Variants in GRIK4 observed in about 807,000 individuals in gnomAD.
GRIK4 encodes the protein glutamate receptor ionotropic, kainate 4.
Under a neutral mutation model 104.9 loss-of-function variants are expected in GRIK4, and 40 were observed. The observed-to-expected ratio is 0.38, with a 90% CI of 0.30 to 0.50. The LOEUF (loss-of-function observed/expected upper bound fraction) is 0.50. Ranked by LOEUF, GRIK4 falls within the 20% of genes least tolerant of loss-of-function variation. The pLI is 0.93. For missense variants in GRIK4, 1,047 were observed against 1,308.1 expected, an observed-to-expected ratio of 0.80 and a Z score of 3.08; for synonymous variants, 485 against 524.9, an observed-to-expected ratio of 0.92 and a Z score of 1.04.
chr11:120,808,161 G>T (rs1034937689), intron 4 of GRIK4, among the ~76,000 whole-genome samples: 1 of 152,160 alleles, frequency 6.6e-6, no homozygotes, highest in Non-Finnish European at 1.5e-5. Context: ...TGTACATAGG[G>T]GCAGAGGAGA....
At chr11:120,842,035 C>T (rs967535686) in intron 8 of GRIK4, among the ~76,000 whole-genome samples, 7 of 152,130 alleles carry the variant, frequency 4.6e-5, no homozygotes, top group African/African-American at 1.7e-4. Context: ...TCTCTGTCCT[C>T]ATATGTAAAA....
At chr11:120,602,984 T>C (rs1438452101) in intron 1 of GRIK4, among the ~76,000 whole-genome samples, 1 of 152,230 alleles carries the variant, frequency 6.6e-6, no homozygotes, top group Non-Finnish European at 1.5e-5. Flanking sequence ...ATTACAGGCA[T>C]GAGCCACCAT....
intron 8 of GRIK4, among the ~76,000 whole-genome samples, chr11:120,843,260 C>T (rs774281539): frequency 6.6e-6 from 1 of 152,276 alleles, no homozygotes; most frequent in Non-Finnish European, 1.5e-5. Flanking sequence ...GAGCTCCCTG[C>T]TCTCGGCACC....
chr11:120,588,706 C>T (rs557752220), intron 1 of GRIK4, among the ~76,000 whole-genome samples: 4 of 152,226 alleles, frequency 2.6e-5, no homozygotes, highest in South Asian at 4.2e-4. Context: ...CATTTTGGGC[C>T]GCACAATTCC....
chr11:120,871,813 A>C (rs1206666216), intron 9 of GRIK4: 1 of 456,218 alleles, frequency 2.2e-6, no homozygotes, highest in Non-Finnish European at 4.4e-6. Flanking sequence ...AGGGAGAGAG[A>C]GAGGGAGGAA....
At chr11:120,790,963 G>A (rs1031024915) in intron 3 of GRIK4, among the ~76,000 whole-genome samples, 5 of 152,168 alleles carry the variant, frequency 3.3e-5, no homozygotes, top group Non-Finnish European at 7.3e-5. Context: ...GGTTACATTT[G>A]GGACACAGAA....
intron 1 of GRIK4, among the ~76,000 whole-genome samples, chr11:120,556,200 G>T (rs1948184448): frequency 2.6e-5 from 4 of 152,108 alleles, no homozygotes; most frequent in Admixed American, 2.6e-4. Flanking sequence ...TCACAGCGCA[G>T]TCCAGGAGGG....
chr11:120,802,556 T>C (rs983254721), intron 3 of GRIK4, 137 bp from the exon 4 acceptor site: 2 of 746,116 alleles, frequency 2.7e-6, no homozygotes, highest in Non-Finnish European at 2.3e-6. Context: ...GGGGGACGGT[T>C]CTGAGCATGG....
chr11:120,629,463 TGCCC>T (rs1223694102), intron 1 of GRIK4, among the ~76,000 whole-genome samples: 1 of 152,134 alleles, frequency 6.6e-6, no homozygotes, highest in Non-Finnish European at 1.5e-5. Context: ...CTGGTACGAC[TGCCC>T]GACTTCTGCC....
At chr11:120,584,815 G>C (rs1948637623) in intron 1 of GRIK4, among the ~76,000 whole-genome samples, 1 of 152,236 alleles carries the variant, frequency 6.6e-6, no homozygotes, top group South Asian at 2.1e-4. Flanking sequence ...CATCTATTGA[G>C]ATGATCATAT....
intron 3 of GRIK4, among the ~76,000 whole-genome samples, chr11:120,679,355 G>A (rs1250167757): frequency 2.6e-5 from 4 of 152,134 alleles, no homozygotes; most frequent in African/African-American, 9.7e-5. Flanking sequence ...AACAGCCCAG[G>A]AAAAGAATGG....
At chr11:120,948,700 T>G (rs1475426055) in intron 14 of GRIK4, among the ~76,000 whole-genome samples, 1 of 152,202 alleles carries the variant, frequency 6.6e-6, no homozygotes, top group African/African-American at 2.4e-5. Context: ...AGAGAAAGTA[T>G]AGTATTTCTT....
intron 11 of GRIK4, among the ~76,000 whole-genome samples, chr11:120,893,061 C>G (rs891660366): frequency 4.6e-5 from 7 of 152,240 alleles, no homozygotes; most frequent in Non-Finnish European, 7.3e-5. Flanking sequence ...AAGGGTAGCA[C>G]TGTATCAAGG....
chr11:120,812,236 A>G (rs564592238), intron 4 of GRIK4, among the ~76,000 whole-genome samples: 1 of 152,338 alleles, frequency 6.6e-6, no homozygotes, highest in Admixed American at 6.5e-5. Context: ...GAAAGAGGCC[A>G]GGATGACTGT....
At chr11:120,514,454 C>A (rs1407646248) in intron 1 of GRIK4, among the ~76,000 whole-genome samples, 1 of 152,202 alleles carries the variant, frequency 6.6e-6, no homozygotes. Flanking sequence ...GACGCTCAGT[C>A]CAGTGCTGTT....
intron 1 of GRIK4, among the ~76,000 whole-genome samples, chr11:120,600,379 G>A (rs1011496056): frequency 2.6e-5 from 4 of 152,148 alleles, no homozygotes; most frequent in East Asian, 1.9e-4. Flanking sequence ...GTTTTCCTGC[G>A]AATTAAACAA....
chr11:120,538,042 A>G (rs193144324), intron 1 of GRIK4, among the ~76,000 whole-genome samples: 6 of 152,396 alleles, frequency 3.9e-5, no homozygotes, highest in African/African-American at 1.2e-4. Flanking sequence ...TTAATAAACA[A>G]AAGTGTGTCA....
At chr11:120,703,087 C>G (rs1950578626) in intron 3 of GRIK4, among the ~76,000 whole-genome samples, 1 of 152,200 alleles carries the variant, frequency 6.6e-6, no homozygotes, top group Non-Finnish European at 1.5e-5. Flanking sequence ...TGGCAATGTT[C>G]TGTATCTGCT....
At chr11:120,659,488 A>AGAAT (rs1949775840) in intron 2 of GRIK4, among the ~76,000 whole-genome samples, 1 of 151,696 alleles carries the variant, frequency 6.6e-6, no homozygotes, top group African/African-American at 2.4e-5. Flanking sequence ...CTTTAGTTCA[A>AGAAT]CTCCACCAGG....
Sources: allele counts gnomAD v4.1 joint callset (sites outside exome capture counted in the v4.1 genomes callset), GRCh38; gene constraint gnomAD v4.1.1; transcripts MANE v1.5; gene names NCBI Gene and HGNC (gene_info 2026-07-23, HGNC 2026-07-21).